Variants in ME3 observed in about 807,000 individuals in gnomAD.
ME3 encodes the protein malic enzyme 3, also known as NADP-dependent malic enzyme, mitochondrial.
ME3 carries 48 observed loss-of-function variants against 68.9 expected under a neutral mutation model. The ratio of observed to expected loss-of-function variants is 0.70; its 90% CI spans 0.55 to 0.89. ME3 has a LOEUF of 0.89. ME3 is among the 40% of genes least tolerant of loss of function. The probability of loss-of-function intolerance (pLI) is 0.00; values close to 1 mark genes in which losing one functional copy is unlikely to be tolerated. For missense variants in ME3, 675 were observed against 797.4 expected, an observed-to-expected ratio of 0.85 and a Z score of 1.85; for synonymous variants, 320 against 318.8, an observed-to-expected ratio of 1.00 and a Z score of -0.04.
At chr11:86,439,427 G>T (rs7926796), downstream of ME3, among the ~76,000 whole-genome samples, 51,761 of 152,152 alleles carry the variant, frequency 0.34, 9,286 homozygotes, top group Admixed American at 0.41. Context: ...TCTGTTTATT[G>T]ATTTCTAATT....
chr11:86,522,550 G>A (rs1404626068), intron 4 of ME3, among the ~76,000 whole-genome samples: 3 of 151,936 alleles, frequency 2.0e-5, no homozygotes, highest in Admixed American at 2.0e-4. Context: ...CCGCCGACAG[G>A]CCCCAGTGTA....
intron 6 of ME3, among the ~76,000 whole-genome samples, chr11:86,497,667 G>A (rs953783055): frequency 1.3e-5 from 2 of 152,152 alleles, no homozygotes; most frequent in Non-Finnish European, 2.9e-5. Context: ...GGGTAATGGG[G>A]GTCAGAGAGG....
intron 2 of ME3, among the ~76,000 whole-genome samples, chr11:86,628,404 C>T (rs1314996970): frequency 2.6e-5 from 4 of 152,206 alleles, no homozygotes; most frequent in Non-Finnish European, 5.9e-5. Flanking sequence ...CTTTCCTAAG[C>T]AGTTGTTCTT....
chr11:86,506,813 C>T (rs1953113609), intron 5 of ME3, among the ~76,000 whole-genome samples: 1 of 152,228 alleles, frequency 6.6e-6, no homozygotes, highest in Non-Finnish European at 1.5e-5. Context: ...ACCCCAGCAG[C>T]ATATCCACTC....
At chr11:86,473,877 C>T (rs564967033) in intron 7 of ME3, among the ~76,000 whole-genome samples, 1 of 152,230 alleles carries the variant, frequency 6.6e-6, no homozygotes, top group South Asian at 2.1e-4. Flanking sequence ...ATCATAGGAA[C>T]GACTGTTTGT....
At chr11:86,505,501 G>A (rs1953010297) in intron 5 of ME3, among the ~76,000 whole-genome samples, 1 of 152,164 alleles carries the variant, frequency 6.6e-6, no homozygotes, top group African/African-American at 2.4e-5. Context: ...AAACCACTAA[G>A]AGCCAAATCA....
At chr11:86,503,745 G>A (rs766961698) in intron 5 of ME3, among the ~76,000 whole-genome samples, 6 of 152,234 alleles carry the variant, frequency 3.9e-5, no homozygotes, top group Non-Finnish European at 7.3e-5. Context: ...CACCTAAGTG[G>A]CTGTTTACAG....
At chr11:86,446,618 A>G (rs1056008592) in intron 12 of ME3, 131 bp from the exon 13 acceptor site, 3 of 851,528 alleles carry the variant, frequency 3.5e-6, no homozygotes, top group Non-Finnish European at 3.6e-6. Flanking sequence ...TGCTGAGAAC[A>G]TGGCAGGTAT....
intron 7 of ME3, among the ~76,000 whole-genome samples, chr11:86,470,305 GA>G (rs1028769196): frequency 6.6e-6 from 1 of 151,550 alleles, no homozygotes; most frequent in East Asian, 2.0e-4. Flanking sequence ...CCTCCCCCCA[GA>G]AAAAAACCCA....
intron 5 of ME3, among the ~76,000 whole-genome samples, chr11:86,506,861 C>T (rs1039023994): frequency 6.6e-6 from 1 of 152,194 alleles, no homozygotes; most frequent in Admixed American, 6.5e-5. Flanking sequence ...CCCTTAATGT[C>T]CTCAAGATTT....
intron 6 of ME3, among the ~76,000 whole-genome samples, chr11:86,492,343 TAAG>T (rs1195480306): frequency 1.3e-5 from 2 of 152,298 alleles, no homozygotes; most frequent in South Asian, 2.1e-4. Context: ...AATTAAAAAT[TAAG>T]AAGGTCTTAG....
intron 2 of ME3, among the ~76,000 whole-genome samples, chr11:86,632,309 C>T (rs765464523): frequency 1.3e-5 from 2 of 151,998 alleles, no homozygotes; most frequent in South Asian, 2.1e-4. Flanking sequence ...CTGCCTGATC[C>T]GAGAGCCTAA....
chr11:86,606,128 T>C (rs909209273), intron 2 of ME3, among the ~76,000 whole-genome samples: 5 of 152,170 alleles, frequency 3.3e-5, no homozygotes, highest in Non-Finnish European at 7.3e-5. Flanking sequence ...ATAACAACAA[T>C]ATCATGTGAC....
chr11:86,500,825 A>T (rs641541), intron 5 of ME3, among the ~76,000 whole-genome samples: 41,840 of 151,840 alleles, frequency 0.28, 6,098 homozygotes, highest in East Asian at 0.32. Context: ...CAGCAGCATA[A>T]ATCCTGCCCA....
At chr11:86,533,813 GTA>G in intron 4 of ME3, among the ~76,000 whole-genome samples, 1 of 151,520 alleles carries the variant, frequency 6.6e-6, no homozygotes, top group Non-Finnish European at 1.5e-5. Context: ...TGTGAACACT[GTA>G]AAGTGCACTT....
At chr11:86,522,318 AAAAT>A (rs1954381369) in intron 4 of ME3, among the ~76,000 whole-genome samples, 1 of 152,280 alleles carries the variant, frequency 6.6e-6, no homozygotes, top group African/African-American at 2.4e-5. Context: ...AAAATGGTAA[AAAAT>A]AACACAAATT....
At chr11:86,631,213 G>A (rs935950805) in intron 2 of ME3, among the ~76,000 whole-genome samples, 108 of 152,366 alleles carry the variant, frequency 7.1e-4, no homozygotes, top group African/African-American at 2.2e-3. Flanking sequence ...GCTACAGCCA[G>A]TGAGTTCCAA....
At chr11:86,633,130 T>C (rs1168897473) in intron 2 of ME3, among the ~76,000 whole-genome samples, 4 of 152,206 alleles carry the variant, frequency 2.6e-5, no homozygotes, top group African/African-American at 9.7e-5. Flanking sequence ...ATTTGGTTGC[T>C]TATTCTCTGG....
intron 2 of ME3, among the ~76,000 whole-genome samples, chr11:86,649,381 G>A (rs1043723649): frequency 3.3e-5 from 5 of 152,162 alleles, no homozygotes; most frequent in Admixed American, 6.5e-5. Context: ...CAAGCTGGAA[G>A]CATTTCCTTT....
Sources: gnomAD v4.1 joint callset for allele counts (sites outside exome capture counted in the v4.1 genomes callset) on GRCh38, gnomAD v4.1.1 for gene constraint, MANE v1.5 for transcripts, NCBI Gene and HGNC (gene_info 2026-07-23, HGNC 2026-07-21) for gene names.